The following LRMDA variants were observed in gnomAD, a reference collection of about 807,000 sequenced individuals.
LRMDA encodes the protein leucine-rich melanocyte differentiation-associated protein.
In LRMDA, 18 loss-of-function variants were observed where a neutral mutation model predicts 29.8. That is an observed-to-expected ratio of 0.60 (90% CI 0.42 to 0.90). The LOEUF (loss-of-function observed/expected upper bound fraction) is 0.90, where lower values mean the gene tolerates loss of function less well. Ranked by LOEUF, LRMDA falls within the 40% of genes least tolerant of loss-of-function variation. LRMDA has a pLI of 0.00. For synonymous variants in LRMDA, 125 were observed against 109.4 expected (o/e 1.14, Z -0.89); for missense variants, 273 against 273.9 (o/e 1.00, Z 0.02).
At chr10:75,497,746 G>C (rs1845064458) in intron 2 of LRMDA, among the ~76,000 whole-genome samples, 1 of 151,908 alleles carries the variant, frequency 6.6e-6, no homozygotes, top group Admixed American at 6.6e-5. Context: ...TCTTTCATCA[G>C]CACAGTGCAT....
At chr10:75,691,348 C>G (rs1487785686) in intron 2 of LRMDA, among the ~76,000 whole-genome samples, 1 of 151,342 alleles carries the variant, frequency 6.6e-6, no homozygotes, top group Non-Finnish European at 1.5e-5. Context: ...CACTGAGTGG[C>G]TAACTAATAT....
At chr10:75,918,666 C>T (rs1349756871) in intron 2 of LRMDA, among the ~76,000 whole-genome samples, 1 of 152,200 alleles carries the variant, frequency 6.6e-6, no homozygotes, top group Non-Finnish European at 1.5e-5. Context: ...TATGATGCCT[C>T]CAACACCTTC....
chr10:75,823,839 C>T (rs1158450173), intron 2 of LRMDA, among the ~76,000 whole-genome samples: 11 of 152,056 alleles, frequency 7.2e-5, no homozygotes, highest in African/African-American at 1.9e-4. Context: ...TTTGTGGCAG[C>T]ATGGTTTGAA....
chr10:75,628,616 A>G (rs1369305763), intron 2 of LRMDA, among the ~76,000 whole-genome samples: 1 of 152,234 alleles, frequency 6.6e-6, no homozygotes, highest in African/African-American at 2.4e-5. Flanking sequence ...AGTCATTTTC[A>G]TAGAAGTCTC....
intron 5 of LRMDA, among the ~76,000 whole-genome samples, chr10:76,227,755 T>A (rs1286054276): frequency 1.3e-5 from 2 of 152,022 alleles, no homozygotes; most frequent in Non-Finnish European, 2.9e-5. Context: ...GGGAGACAGG[T>A]TGGTTTTAAT....
intron 2 of LRMDA, among the ~76,000 whole-genome samples, chr10:75,889,694 C>T (rs1589242443): frequency 2.0e-5 from 3 of 152,152 alleles, no homozygotes; most frequent in South Asian, 2.1e-4. Context: ...CAAACAAATC[C>T]GGTTGCAGCT....
chr10:75,848,804 C>A (rs563365462), intron 2 of LRMDA, among the ~76,000 whole-genome samples: 30 of 152,274 alleles, frequency 2.0e-4, no homozygotes, highest in Non-Finnish European at 2.8e-4. Flanking sequence ...TGTGTAAGTT[C>A]CATCTGGCAC....
At chr10:76,093,510 TAAAA>T (rs1849265517) in intron 5 of LRMDA, among the ~76,000 whole-genome samples, 1 of 152,100 alleles carries the variant, frequency 6.6e-6, no homozygotes, top group Non-Finnish European at 1.5e-5. Context: ...CCTTTAAAAA[TAAAA>T]GAAAGAAAAT....
intron 5 of LRMDA, among the ~76,000 whole-genome samples, chr10:76,249,202 C>G (rs528464852): frequency 3.3e-5 from 5 of 152,284 alleles, no homozygotes; most frequent in African/African-American, 1.2e-4. Context: ...TTATGGGCAG[C>G]TTGCTGTTTT....
intron 2 of LRMDA, among the ~76,000 whole-genome samples, chr10:75,909,356 C>T (rs529283773): frequency 1.3e-5 from 2 of 152,052 alleles, no homozygotes; most frequent in Admixed American, 1.3e-4. Flanking sequence ...ATCTGAAGGG[C>T]CTTTAGTAGA....
chr10:75,764,611 G>A lies in LRMDA; in HGVS notation c.132-271397G>A, dbSNP rs180685745. 2.3e-3 allele frequency among the ~76,000 whole-genome samples: 350 copies of A among 152,278 alleles called. 7 individuals are homozygous for A. Among genetic ancestry groups the A allele is most frequent in the Non-Finnish European group, 1.5e-4 (10 of 68,026 alleles). On this transcript the variant is annotated intron_variant, in intron 2 of 6. Transcript: ENST00000611255. ...CACTTGATGAAAATCTGCTGTGGGT[G>A]ATGTGTCATATATCAAAGGCAGGGC...
intron 2 of LRMDA, among the ~76,000 whole-genome samples, chr10:75,718,472 C>T (rs556066728): frequency 1.1e-3 from 162 of 152,324 alleles, no homozygotes; most frequent in African/African-American, 3.8e-3. Context: ...AGATCATCAT[C>T]AGTGGGTTAG....
At chr10:75,471,213 C>CG (rs555206181) in intron 2 of LRMDA, among the ~76,000 whole-genome samples, 177 of 149,360 alleles carry the variant, frequency 1.2e-3, no homozygotes, top group Middle Eastern at 3.4e-3. Flanking sequence ...TTTTTTCTGG[C>CG]GGGGGGGTGG....
chr10:75,963,004 GAATT>G (rs1473640020), intron 2 of LRMDA, among the ~76,000 whole-genome samples: 1 of 152,122 alleles, frequency 6.6e-6, no homozygotes, highest in Admixed American at 6.5e-5. Context: ...ACCAATTAGG[GAATT>G]AATTCATTAG....
intron 2 of LRMDA, among the ~76,000 whole-genome samples, chr10:75,474,170 A>T (rs552782149): frequency 1.4e-4 from 21 of 152,338 alleles, no homozygotes; most frequent in African/African-American, 5.1e-4. Flanking sequence ...GAAATCAAGG[A>T]TTCCTGTGAT....
intron 2 of LRMDA, among the ~76,000 whole-genome samples, chr10:75,624,069 C>T (rs557296802): frequency 6.6e-6 from 1 of 152,294 alleles, no homozygotes; most frequent in South Asian, 2.1e-4. Context: ...CGGAATCATA[C>T]AGATGTGAAT....
At chr10:76,079,478 A>C (rs1486645969) in intron 5 of LRMDA, among the ~76,000 whole-genome samples, 3 of 152,156 alleles carry the variant, frequency 2.0e-5, no homozygotes, top group Non-Finnish European at 4.4e-5. Flanking sequence ...GATGTATGGA[A>C]GTCCTTGTGT....
intron 6 of LRMDA, among the ~76,000 whole-genome samples, chr10:76,488,203 G>T (rs369092502): frequency 6.6e-6 from 1 of 151,672 alleles, no homozygotes; most frequent in African/African-American, 2.4e-5. Context: ...CTATAGCTTT[G>T]TAGAACTATT....
At chr10:75,852,067 A>G (rs1356131822) in intron 2 of LRMDA, among the ~76,000 whole-genome samples, 2 of 152,040 alleles carry the variant, frequency 1.3e-5, no homozygotes, top group South Asian at 2.1e-4. Flanking sequence ...TTGTCTTACA[A>G]CTCAGACCCC....
Sources: gnomAD v4.1 joint callset for allele counts (sites outside exome capture counted in the v4.1 genomes callset) on GRCh38, gnomAD v4.1.1 for gene constraint, MANE v1.5 for transcripts, NCBI Gene and HGNC (gene_info 2026-07-23, HGNC 2026-07-21) for gene names.